NEDD4L: variants seen among roughly 807,000 people sequenced by gnomAD.
NEDD4L encodes NEDD4 like E3 ubiquitin protein ligase, also known as E3 ubiquitin-protein ligase NEDD4-like.
In NEDD4L, 54 loss-of-function variants were observed where a neutral mutation model predicts 148.9. The ratio of observed to expected loss-of-function variants is 0.36; its 90% confidence interval spans 0.29 to 0.45. The LOEUF (loss-of-function observed/expected upper bound fraction) is 0.45, where lower values mean the gene tolerates loss of function less well. NEDD4L is among the 20% of genes least tolerant of loss of function. NEDD4L has a pLI of 1.00. For missense variants in NEDD4L, 856 were observed against 1,233.8 expected (o/e 0.69, Z 4.59); for synonymous variants, 433 against 440.7 (o/e 0.98, Z 0.22).
intron 1 of NEDD4L, among the ~76,000 whole-genome samples, chr18:58,120,371 G>A (rs2145806537): frequency 6.6e-6 from 1 of 152,334 alleles, no homozygotes; most frequent in African/African-American, 2.4e-5. Flanking sequence ...CTACGATGAG[G>A]TTAATTACAG....
chr18:58,276,325 C>T (rs1364532911), intron 5 of NEDD4L, among the ~76,000 whole-genome samples: 2 of 151,810 alleles, frequency 1.3e-5, no homozygotes, highest in Non-Finnish European at 2.9e-5. Context: ...TCTCCTGCCT[C>T]AGCCTCCTGA....
chr18:58,176,008 C>T (rs2038092395), intron 2 of NEDD4L, among the ~76,000 whole-genome samples: 1 of 152,300 alleles, frequency 6.6e-6, no homozygotes, highest in South Asian at 2.1e-4. Flanking sequence ...ATATAGCCAT[C>T]GCCACAATAA....
At chr18:58,318,859 G>A (rs1027066891) in intron 6 of NEDD4L, among the ~76,000 whole-genome samples, 11 of 152,118 alleles carry the variant, frequency 7.2e-5, no homozygotes, top group Middle Eastern at 3.2e-3. Context: ...AAATCTCTTC[G>A]TCCCTGGGAA....
chr18:58,279,020 TG>T (rs1393471721), intron 5 of NEDD4L, among the ~76,000 whole-genome samples: 1 of 152,022 alleles, frequency 6.6e-6, no homozygotes, highest in Admixed American at 6.6e-5. Flanking sequence ...TATAGGCATG[TG>T]CCACCACATC....
chr18:58,242,965 A>G (rs1306604450), intron 2 of NEDD4L, among the ~76,000 whole-genome samples: 1 of 152,204 alleles, frequency 6.6e-6, no homozygotes, highest in Non-Finnish European at 1.5e-5. Context: ...AGCACTCAAG[A>G]TGTTACATAT....
chr18:58,240,823 G>GTATGTATT (rs1380718511), intron 2 of NEDD4L, among the ~76,000 whole-genome samples: 2 of 152,062 alleles, frequency 1.3e-5, no homozygotes, highest in East Asian at 3.9e-4. Flanking sequence ...ATTTATGTAT[G>GTATGTATT]TATGTATGTA....
intron 23 of NEDD4L, chr18:58,372,474 CTTTA>C (rs1283104487): frequency 6.6e-6 from 1 of 151,936 alleles, no homozygotes; most frequent in South Asian, 2.1e-4. Flanking sequence ...TTTTTTTAAA[CTTTA>C]TTTATTTTTT....
chr18:58,065,253 T>G (rs1268020375), intron 1 of NEDD4L, among the ~76,000 whole-genome samples: 1 of 152,236 alleles, frequency 6.6e-6, no homozygotes, highest in Non-Finnish European at 1.5e-5. Flanking sequence ...TAGCAACGTT[T>G]TTTTCATTGT....
chr18:58,330,266 G>A (rs148395520), intron 10 of NEDD4L, among the ~76,000 whole-genome samples: 57 of 152,302 alleles, frequency 3.7e-4, no homozygotes, highest in African/African-American at 1.4e-3. Context: ...TAATTACAGC[G>A]TATAGCTTCT....
intron 1 of NEDD4L, among the ~76,000 whole-genome samples, chr18:58,115,057 T>A (rs976571697): frequency 3.9e-5 from 6 of 152,156 alleles, no homozygotes; most frequent in Admixed American, 1.3e-4. Flanking sequence ...AGTCACAGGT[T>A]CTGGGGATTA....
At chr18:58,121,536 T>C (rs111614555) in intron 1 of NEDD4L, among the ~76,000 whole-genome samples, 65 of 152,076 alleles carry the variant, frequency 4.3e-4, no homozygotes, top group African/African-American at 1.5e-3. Context: ...GCCCAAGTAG[T>C]TAGAACCACA....
At chr18:58,295,931 T>C (rs1162406482) in intron 5 of NEDD4L, among the ~76,000 whole-genome samples, 1 of 152,084 alleles carries the variant, frequency 6.6e-6, no homozygotes, top group Admixed American at 6.5e-5. Context: ...GGAGTTTGGT[T>C]TGGTGAGTGA....
chr18:58,375,250 G>C (rs995962648), intron 24 of NEDD4L, among the ~76,000 whole-genome samples: 1 of 152,076 alleles, frequency 6.6e-6, no homozygotes, highest in East Asian at 1.9e-4. Context: ...CTTGACTGCT[G>C]TTCTCACAGC....
At chr18:58,233,477 T>C (rs753860796) in intron 2 of NEDD4L, among the ~76,000 whole-genome samples, 2 of 152,210 alleles carry the variant, frequency 1.3e-5, no homozygotes, top group Admixed American at 6.5e-5. Context: ...TTGAGACTTA[T>C]TCACTATCAC....
At chr18:58,150,706 A>T (rs752433053) in intron 1 of NEDD4L, among the ~76,000 whole-genome samples, 1 of 152,182 alleles carries the variant, frequency 6.6e-6, no homozygotes, top group Admixed American at 6.5e-5. Flanking sequence ...TTTTCTTAGG[A>T]GGTGCTATGC....
At chr18:58,368,330 AC>A (rs1454561222) in intron 22 of NEDD4L, among the ~76,000 whole-genome samples, 1 of 152,222 alleles carries the variant, frequency 6.6e-6, no homozygotes, top group Admixed American at 6.5e-5. Context: ...GAAACAAATA[AC>A]ACAAAATAAT....
intron 5 of NEDD4L, among the ~76,000 whole-genome samples, chr18:58,309,421 C>T (rs1438544562): frequency 1.3e-5 from 2 of 152,196 alleles, no homozygotes; most frequent in Non-Finnish European, 2.9e-5. Flanking sequence ...GCCCCTGCTA[C>T]GTGGCAGAAC....
At chr18:58,316,830 A>C (rs754556026) in intron 6 of NEDD4L, among the ~76,000 whole-genome samples, 1 of 152,230 alleles carries the variant, frequency 6.6e-6, no homozygotes, top group Admixed American at 6.5e-5. Flanking sequence ...CAACGACGTG[A>C]TAGAAGTAGC....
chr18:58,125,137 C>T (rs111631467), intron 1 of NEDD4L, among the ~76,000 whole-genome samples: 2,615 of 152,234 alleles, frequency 0.017, 29 homozygotes, highest in African/African-American at 0.026. Context: ...TGGCCTCAAG[C>T]GATCCTCCCA....
Sources: gnomAD v4.1 joint callset for allele counts (sites outside exome capture counted in the v4.1 genomes callset) on GRCh38, gnomAD v4.1.1 for gene constraint, MANE v1.5 for transcripts, NCBI Gene and HGNC (gene_info 2026-07-23, HGNC 2026-07-21) for gene names.